Variants in PIK3CA observed in about 807,000 individuals in gnomAD.
The protein encoded by PIK3CA is phosphatidylinositol-4,5-bisphosphate 3-kinase catalytic subunit alpha, also known as phosphatidylinositol 4,5-bisphosphate 3-kinase catalytic subunit alpha isoform.
A neutral mutation model predicts 138.2 loss-of-function variants in PIK3CA; 27 were observed. The observed-to-expected ratio is 0.20, with a 90% CI of 0.14 to 0.27. The LOEUF is 0.27. Ranked by LOEUF, PIK3CA falls within the 10% of genes least tolerant of loss-of-function variation. The pLI is 1.00. For missense variants in PIK3CA, 544 were observed against 1,277.4 expected, an observed-to-expected ratio of 0.43 and a Z score of 8.75; for synonymous variants, 358 against 413.2, an observed-to-expected ratio of 0.87 and a Z score of 1.62.
intron 1 of PIK3CA, among the ~76,000 whole-genome samples, chr3:179,192,139 G>C (rs1724151805): frequency 6.6e-6 from 1 of 152,148 alleles, no homozygotes; most frequent in South Asian, 2.1e-4. Flanking sequence ...TATTGTAGTA[G>C]ATTTTCATTG....
intron 17 of PIK3CA, among the ~76,000 whole-genome samples, chr3:179,228,893 G>T (rs1451375492): frequency 6.6e-6 from 1 of 151,956 alleles, no homozygotes; most frequent in Non-Finnish European, 1.5e-5. Context: ...AAGTGTAAAG[G>T]AGTCCTGAGA....
chr3:179,214,078 T>A (rs1018164454), intron 9 of PIK3CA, among the ~76,000 whole-genome samples: 18 of 152,250 alleles, frequency 1.2e-4, no homozygotes, highest in Admixed American at 5.9e-4. Flanking sequence ...GCTGGTTTGA[T>A]CTTCTATCTA....
At chr3:179,179,983 C>T (rs1168985256) in intron 1 of PIK3CA, among the ~76,000 whole-genome samples, 1 of 151,512 alleles carries the variant, frequency 6.6e-6, no homozygotes, top group Non-Finnish European at 1.5e-5. Flanking sequence ...AGGCAAAAAA[C>T]TGTAAAGGGA....
chr3:179,171,811 GGAA>G (rs1723565859), intron 1 of PIK3CA, among the ~76,000 whole-genome samples: 1 of 151,834 alleles, frequency 6.6e-6, no homozygotes, highest in African/African-American at 2.4e-5. Context: ...AGACACCAAA[GGAA>G]GAAAAAAATA....
Position 179,219,820 on chromosome 3 carries a change from C to T in PIK3CA, c.1911+85C>T, listed in dbSNP as rs2108411554. On this transcript the variant is annotated intron_variant, in intron 12 of 20. Transcript: ENST00000263967. This position sits in a 1 kb window ranked among gnomAD's most constrained non-coding sequence, Gnocchi z 4.2. ...ATACAACTTCCTTTTAAAAAACCTA[C>T]TGCACTAACTAGTTTTATGCTTAAA... The T allele has an allele frequency of 7.0e-7, 1 of 1,433,344 alleles. No homozygotes were observed. Among genetic ancestry groups the T allele is most frequent in the Non-Finnish European group, 9.5e-7 (1 of 1,048,470 alleles). 88.8% of individuals were successfully genotyped at this position (1,433,344 alleles called of 1,614,324 possible). A position where few individuals can be genotyped will look rare whatever the true frequency, so the allele number is the denominator to read the frequency against.
intron 1 of PIK3CA, among the ~76,000 whole-genome samples, chr3:179,178,121 T>G (rs368620232): frequency 0.059 from 3,364 of 57,302 alleles, 124 homozygotes; most frequent in African/African-American, 0.27. Context: ...TTTTTTGTGT[T>G]TTTTTTTTTT....
chr3:179,204,442 A>T, intron 5 of PIK3CA, 61 bp from the exon 6 acceptor site: 4 of 736,894 alleles, frequency 5.4e-6, no homozygotes, highest in Non-Finnish European at 9.4e-6. Context: ...GAGTCTATCG[A>T]GTGTGTGCAT....
In PIK3CA at chr3:179,219,215, C is replaced by A. The variant is rs2108409757; in HGVS notation, c.1684C>A (p.Pro562Thr). The change falls in exon 11 of 21, where the codon CCC (proline) becomes ACC (threonine). Residue 562 changes from proline to threonine, a missense_variant. Around this residue, in one of 14 missense-constraint regions of PIK3CA, gnomAD observed 13 missense variants for 16.1 expected, o/e 0.81. Coordinates refer to ENST00000263967, the MANE Select transcript of PIK3CA (RefSeq NM_006218.4). This position sits in a 1 kb window ranked among gnomAD's most constrained non-coding sequence, Gnocchi z 4.2. ...WSHRHYCVTI[P>T]EILPKLLLSV... ...ACACAGACACTATTGTGTAACTATC[C>A]CCGAAATTCTACCCAAATTGCTTCT... The A allele has an allele frequency of 6.3e-7, 1 of 1,599,118 alleles. No homozygotes were observed. The highest frequency in any genetic ancestry group is 8.6e-7 in the Non-Finnish European group (1 of 1,167,294).
In PIK3CA at chr3:179,234,124, A is replaced by G; in HGVS notation, c.2967A>G (p.Leu989=). 1.2e-6 allele frequency: 2 copies of G among 1,612,436 alleles called. No homozygotes were observed. Among genetic ancestry groups the G allele is most frequent in the Non-Finnish European group, 1.7e-6 (2 of 1,178,646 alleles). The part of the protein sequence containing the change: ...RFQEMCYKAY[L]AIRQHANLFI... ...AGGAGATGTGTTACAAGGCTTATCTAGCTATTCGACAGCATGCCAATCTCT... is the reference window on the plus strand; with the variant it reads ...AGGAGATGTGTTACAAGGCTTATCTGGCTATTCGACAGCATGCCAATCTCT... Residue 989 remains leucine, a synonymous_variant, in exon 21 of 21, where the codon CTA becomes CTG. Transcript: ENST00000263967. The surrounding 1 kb of genome is among the most constrained non-coding windows in gnomAD (Gnocchi z 5.1).
Position 179,235,813 on chromosome 3 carries a change from A to G in PIK3CA, c.*1449A>G, listed in dbSNP as rs1725322790. ...TCAGAGCTCACTCTCCAACTTTATTAAATACTATTTGAGCACAGGACACAT... is the reference window on the plus strand; with the variant it reads ...TCAGAGCTCACTCTCCAACTTTATTGAATACTATTTGAGCACAGGACACAT... On this transcript the variant is annotated 3_prime_UTR_variant, in exon 21 of 21. Transcript: ENST00000263967. The G allele has an allele frequency of 4.7e-6, 1 of 213,686 alleles. No individual in the cohort carries two copies. Among genetic ancestry groups the G allele is most frequent in the Middle Eastern group, 1.5e-3 (1 of 688 alleles). 13.2% of individuals were successfully genotyped at this position (213,686 alleles called of 1,614,324 possible).
At chr3:179,175,877 C>G (rs75675484) in intron 1 of PIK3CA, among the ~76,000 whole-genome samples, 1 of 152,214 alleles carries the variant, frequency 6.6e-6, no homozygotes, top group East Asian at 1.9e-4. Flanking sequence ...TGGAGACATT[C>G]CTCAAATGCA....
rs567509282 is a variant in PIK3CA at position 179,207,600 on chromosome 3, G to A, written c.1146-1995G>A. Among the ~76,000 whole-genome samples the A allele has an allele frequency of 2.0e-5, 3 of 149,580 alleles. No individual in the cohort carries two copies. The South Asian group carries it at 6.3e-4, about 31-fold the overall frequency. ...CTTGCTCTGTCGCCCAGGCTGGAGTGCATGGCACAAACTCGACTCACTGCA... is the reference window on the plus strand; with the variant it reads ...CTTGCTCTGTCGCCCAGGCTGGAGTACATGGCACAAACTCGACTCACTGCA... On this transcript the variant is annotated intron_variant, in intron 6 of 20. Coordinates refer to ENST00000263967, the MANE Select transcript of PIK3CA (RefSeq NM_006218.4).
chr3:179,208,440 A>G (rs964404216), intron 6 of PIK3CA, among the ~76,000 whole-genome samples: 3 of 152,220 alleles, frequency 2.0e-5, no homozygotes, highest in African/African-American at 7.2e-5. Flanking sequence ...TTTATGAGAT[A>G]GTTATCAACC....
chr3:179,229,331 G>A lies in PIK3CA; in HGVS notation c.2555G>A (p.Arg852Gln), dbSNP rs199943173. 12 of 1,613,108 alleles carry A rather than the reference G, an allele frequency of 7.4e-6. No homozygotes were observed. The highest frequency in any genetic ancestry group is 8.5e-6 in the Non-Finnish European group (10 of 1,179,490). ...TGTGTGGGACTTATTGAGGTGGTGC[G>A]AAATTCTCACACTATTATGCAAATT... ...GDCVGLIEVV[R>Q]NSHTIMQIQC... is the part of the protein sequence containing the mutation. Residue 852 changes from arginine (R) to glutamine (Q), a missense_variant, in exon 18 of 21, where the codon CGA becomes CAA. Physicochemically the swap from Arg to Gln is conservative, Grantham distance 43. Around this residue, in one of 14 missense-constraint regions of PIK3CA, gnomAD observed 72 missense variants for 271.8 expected, o/e 0.26. Coordinates refer to ENST00000263967, the MANE Select transcript of PIK3CA (RefSeq NM_006218.4).
intron 1 of PIK3CA, among the ~76,000 whole-genome samples, chr3:179,169,954 G>A (rs1439276018): frequency 6.6e-6 from 1 of 152,106 alleles, no homozygotes; most frequent in African/African-American, 2.4e-5. Flanking sequence ...AAATACAAAG[G>A]TCATTTTAAT....
intron 1 of PIK3CA, among the ~76,000 whole-genome samples, chr3:179,148,817 T>G (rs981286130): frequency 2.6e-5 from 4 of 152,046 alleles, no homozygotes; most frequent in African/African-American, 9.7e-5. Context: ...GGCTCGCCGC[T>G]CCCTCTCCTT....
Position 179,230,269 on chromosome 3 carries a change from A to G in PIK3CA, c.2829A>G (p.Lys943=). The change falls in exon 20 of 21, where the codon AAA becomes AAG. Residue 943 remains lysine, a synonymous_variant. Coordinates refer to ENST00000263967, the MANE Select transcript of PIK3CA (RefSeq NM_006218.4). The surrounding 1 kb of genome is among the most constrained non-coding windows in gnomAD (Gnocchi z 5.4). ...GACACTTTTTGGATCACAAGAAGAA[A>G]AAATTTGGTTATAAACGAGAACGTG... ...DFGHFLDHKK[K]KFGYKRERVP... is the part of the protein sequence containing the mutation. 6.2e-7 allele frequency: 1 copy of G among 1,610,742 alleles called. No homozygotes were observed. The highest frequency in any genetic ancestry group is 8.5e-7 in the Non-Finnish European group (1 of 1,178,390).
intron 1 of PIK3CA, among the ~76,000 whole-genome samples, chr3:179,154,171 C>A (rs1431182288): frequency 6.6e-6 from 1 of 152,090 alleles, no homozygotes; most frequent in Admixed American, 6.5e-5. Context: ...GAAACTGTGT[C>A]TAATACGTAT....
At chr3:179,155,639 G>T (rs1418000294) in intron 1 of PIK3CA, among the ~76,000 whole-genome samples, 1 of 152,138 alleles carries the variant, frequency 6.6e-6, no homozygotes, top group Non-Finnish European at 1.5e-5. Context: ...AAAATATACA[G>T]GAGTAGGTTA....
Sources: gnomAD v4.1 joint callset for allele counts (sites outside exome capture counted in the v4.1 genomes callset) on GRCh38, gnomAD v4.1.1 for gene constraint, gnomAD v4.1.1 regional missense constraint, Gnocchi (gnomAD v3.1) non-coding constraint, MANE v1.5 for transcripts, NCBI Gene and HGNC (gene_info 2026-07-23, HGNC 2026-07-21) for gene names.